The following ARHGAP40 variants were observed in gnomAD, a reference collection of about 807,000 sequenced individuals.
The protein encoded by ARHGAP40 is rho GTPase-activating protein 40.
In ARHGAP40, 43 loss-of-function variants were observed where a neutral mutation model predicts 73.5. The observed-to-expected ratio is 0.58, with a 90% CI of 0.46 to 0.75. The LOEUF (loss-of-function observed/expected upper bound fraction) is 0.75, where lower values mean the gene tolerates loss of function less well. Ranked by LOEUF, ARHGAP40 falls within the 30% of genes least tolerant of loss-of-function variation. The pLI is 0.00. For missense variants in ARHGAP40, 734 were observed against 861.8 expected (o/e 0.85, Z 1.86); for synonymous variants, 300 against 352.8 (o/e 0.85, Z 1.68).
intron 2 of ARHGAP40, among the ~76,000 whole-genome samples, chr20:38,624,391 T>C (rs947126106): frequency 2.6e-5 from 4 of 152,196 alleles, no homozygotes; most frequent in African/African-American, 7.2e-5. Context: ...TTGCTTCTGC[T>C]GCATTCTGTT....
intron 13 of ARHGAP40, among the ~76,000 whole-genome samples, chr20:38,648,435 C>T (rs184273427): frequency 6.6e-6 from 1 of 152,340 alleles, no homozygotes; most frequent in African/African-American, 2.4e-5. Context: ...CACGTGCCCT[C>T]CAGCTACCTC....
intron 1 of ARHGAP40, among the ~76,000 whole-genome samples, chr20:38,618,133 A>G (rs2088853314): frequency 6.6e-6 from 1 of 150,384 alleles, no homozygotes; most frequent in African/African-American, 2.5e-5. Context: ...GGAGTCTCAC[A>G]TTGTCACCTG....
In ARHGAP40 at chr20:38,638,724, G is replaced by A. The variant is rs183990775; in HGVS notation, c.1042-37G>A. 78 of 1,286,470 alleles carry A rather than the reference G, an allele frequency of 6.1e-5. No homozygotes were observed. The East Asian group carries it at 2.9e-3, about 48-fold the overall frequency. 79.7% of individuals were successfully genotyped at this position (1,286,470 alleles called of 1,614,324 possible). ...ACCATTTTGAATCCTGCTTTTCAGC[G>A]GTTCCTGGTTTAAATGCTGGTTTCT... On this transcript the variant is annotated intron_variant, in intron 7 of 14. Transcript: ENST00000373345.
chr20:38,649,839 C>G (rs1157493780), exon 15 of ARHGAP40: 2 of 1,305,170 alleles, frequency 1.5e-6, no homozygotes, highest in Non-Finnish European at 2.0e-6. Context: ...TTAAACAGAA[C>G]CCCACCTAAA....
At chr20:38,641,580 A>G (rs1432936948) in intron 9 of ARHGAP40, 146 bp from the exon 10 acceptor site, 3 of 434,142 alleles carry the variant, frequency 6.9e-6, no homozygotes, top group Non-Finnish European at 1.2e-5. Context: ...AACATTAGAC[A>G]AGGAAATAGT....
chr20:38,626,861 A>T, intron 2 of ARHGAP40, 134 bp from the exon 3 acceptor site: 1 of 588,048 alleles, frequency 1.7e-6, no homozygotes, highest in Non-Finnish European at 2.6e-6. Flanking sequence ...GGTTGGTGTT[A>T]ATAGGTCTCA....
chr20:38,636,260 A>AT lies in ARHGAP40; in HGVS notation c.950-1445dup, dbSNP rs1388871242. Among the ~76,000 whole-genome samples, 8 of 149,254 alleles carry AT rather than the reference A, an allele frequency of 5.4e-5. No homozygotes were observed. In the East Asian group the frequency reaches 5.8e-4, roughly 11 times the overall value. Reference sequence around the variant, plus strand: ...TTCCTTGAAAACATGATTTTTATTTATTTATTTTTTTTTTTTTTTGAGAGA... The same window carrying AT: ...TTCCTTGAAAACATGATTTTTATTTATTTTATTTTTTTTTTTTTTTGAGAGA... On this transcript the variant is annotated intron_variant, in intron 6 of 14. Transcript: ENST00000373345.
exon 6 of ARHGAP40, chr20:38,634,760 C>G (rs762613941): frequency 2.3e-6 from 3 of 1,297,750 alleles, no homozygotes; most frequent in South Asian, 2.5e-5. Flanking sequence ...TGAAGAGGAG[C>G]AAGGCGGGGA....
chr20:38,617,433 C>G (rs1220592037), intron 1 of ARHGAP40, among the ~76,000 whole-genome samples: 3 of 152,186 alleles, frequency 2.0e-5, no homozygotes, highest in Non-Finnish European at 4.4e-5. Context: ...GCAAAGCCCC[C>G]TTCTCTACCC....
chr20:38,622,604 G>A (rs796334936), intron 1 of ARHGAP40, among the ~76,000 whole-genome samples: 98 of 152,306 alleles, frequency 6.4e-4, no homozygotes, highest in African/African-American at 2.2e-3. Context: ...GTGGGAGTCA[G>A]GGCTCTAGGG....
At chr20:38,641,639 G>A in intron 9 of ARHGAP40, 87 bp from the exon 10 acceptor site, 1 of 1,009,000 alleles carries the variant, frequency 9.9e-7, no homozygotes, top group Non-Finnish European at 1.3e-6. Flanking sequence ...TGGCTTTCCA[G>A]CTCTGGAATT....
intron 13 of ARHGAP40, among the ~76,000 whole-genome samples, 166 bp downstream of exon 13, chr20:38,647,292 A>G (rs183164179): frequency 2.0e-3 from 304 of 152,300 alleles, no homozygotes; most frequent in African/African-American, 7.0e-3. Flanking sequence ...CTTGGCTCCA[A>G]GTAATAATCA....
chr20:38,614,896 C>T, intron 1 of ARHGAP40: 1 of 1,332,350 alleles, frequency 7.5e-7, no homozygotes, highest in South Asian at 1.2e-5. Context: ...AGCAAGCTGC[C>T]TGCACCAGGC....
At chr20:38,610,883 C>CTTTTTT (rs60110231) in intron 1 of ARHGAP40, among the ~76,000 whole-genome samples, 4 of 139,030 alleles carry the variant, frequency 2.9e-5, no homozygotes, top group African/African-American at 5.3e-5. Context: ...GATGTCTTTT[C>CTTTTTT]TTTTTTTTTT....
At chr20:38,627,885 G>C (rs2088912570) in intron 3 of ARHGAP40, among the ~76,000 whole-genome samples, 1 of 152,172 alleles carries the variant, frequency 6.6e-6, no homozygotes, top group Non-Finnish European at 1.5e-5. Context: ...ATGCAGGGCA[G>C]GCAAGCCCCT....
chr20:38,609,718 C>T (rs954433545), intron 1 of ARHGAP40, among the ~76,000 whole-genome samples: 1 of 152,218 alleles, frequency 6.6e-6, no homozygotes, highest in Admixed American at 6.5e-5. Context: ...AAGGGTGTTC[C>T]TGGCAGTAGC....
chr20:38,634,831 T>G (rs368125920), intron 6 of ARHGAP40, 46 bp downstream of exon 6: 12 of 1,220,276 alleles, frequency 9.8e-6, no homozygotes, highest in East Asian at 1.2e-4. Context: ...ACAGTCCTCA[T>G]AGGGAGCTGA....
At chr20:38,621,102 G>C (rs2088871166) in intron 1 of ARHGAP40, among the ~76,000 whole-genome samples, 1 of 152,160 alleles carries the variant, frequency 6.6e-6, no homozygotes, top group African/African-American at 2.4e-5. Context: ...AGAAACTGGG[G>C]GGACAACAGT....
chr20:38,613,205 A>G (rs1172494101), intron 1 of ARHGAP40, among the ~76,000 whole-genome samples: 1 of 152,324 alleles, frequency 6.6e-6, no homozygotes, highest in Middle Eastern at 3.4e-3. Context: ...GCAGTTTGCT[A>G]TCTCAGATGG....
Sources: allele counts gnomAD v4.1 joint callset (sites outside exome capture counted in the v4.1 genomes callset), GRCh38; gene constraint gnomAD v4.1.1; transcripts MANE v1.5; gene names NCBI Gene and HGNC (gene_info 2026-07-23, HGNC 2026-07-21).